Variants in CDH20 observed in about 807,000 individuals in gnomAD.
CDH20 encodes cadherin-20.
Under a neutral mutation model 74.2 loss-of-function variants are expected in CDH20, and 29 were observed. The observed-to-expected ratio is 0.39, with a 90% CI of 0.29 to 0.53. The LOEUF (loss-of-function observed/expected upper bound fraction) is 0.53. Among genes scored for constraint, CDH20 ranks in the 20% least tolerant of loss-of-function variants. The probability of loss-of-function intolerance (pLI) is 0.69; values close to 1 mark genes in which losing one functional copy is unlikely to be tolerated. For synonymous variants in CDH20, 469 were observed against 405.4 expected (o/e 1.16, Z -1.88); for missense variants, 988 against 1,048.3 (o/e 0.94, Z 0.79).
In CDH20 at chr18:61,532,555, TACAC is replaced by T. The variant is rs369755037; in HGVS notation, c.1272-3926_1272-3923del. Among the ~76,000 whole-genome samples the T allele has an allele frequency of 7.0e-3, 288 of 41,358 alleles. 1 individual carries two copies. The East Asian group carries it at 0.071, about 10-fold the overall frequency. 27.1% of individuals were successfully genotyped at this position (41,358 alleles called of 152,430 possible). A position where few individuals can be genotyped will look rare whatever the true frequency, so the allele number is the denominator to read the frequency against. Reference sequence around the variant, plus strand: ...ATGTATATATATATATATATATATATACACACACACACACATATATATAAAAAAC... The same window carrying T: ...ATGTATATATATATATATATATATATACACACACACATATATATAAAAAAC... On this transcript the variant is annotated intron_variant, in intron 7 of 11. Transcript: ENST00000262717.
chr18:61,381,968 C>T (rs1911446126), intron 1 of CDH20, among the ~76,000 whole-genome samples: 2 of 148,990 alleles, frequency 1.3e-5, no homozygotes, highest in East Asian at 1.9e-4. Context: ...GTCACTACTA[C>T]CCCCCCCAGT....
chr18:61,541,886 A>C lies in CDH20; in HGVS notation c.1530+2741A>C, dbSNP rs1913054466. Among the ~76,000 whole-genome samples, 5 of 152,304 alleles carry C rather than the reference A, an allele frequency of 3.3e-5. No homozygotes were observed. In the South Asian group the frequency reaches 1.0e-3, roughly 32 times the overall value. ...AACCAGCTGAGCAGAATATTGCACG[A>C]CAAGTGGGGCTGAGGAAGAAATCTG... is the stretch of plus-strand genomic sequence containing the variant. On this transcript the variant is annotated intron_variant, in intron 9 of 11. Transcript: ENST00000262717.
At chr18:61,462,977 C>T (rs905440174) in intron 1 of CDH20, among the ~76,000 whole-genome samples, 3 of 152,196 alleles carry the variant, frequency 2.0e-5, no homozygotes, top group Non-Finnish European at 4.4e-5. Flanking sequence ...GCGTAATTCA[C>T]ACTAAGTTAT....
rs201454513 is a variant in CDH20, at chr18:61,503,109, G to A, written c.818G>A (p.Arg273His). The A allele has an allele frequency of 2.3e-5, 37 of 1,606,846 alleles. No individual in the cohort carries two copies. In the Admixed American group the frequency reaches 4.2e-4, roughly 18 times the overall value. ...TLSDVNDNPP[R>H]FPQKHYQMSV... is the part of the protein sequence containing the mutation. ...TCAGATGTCAATGATAACCCACCCC[G>A]CTTTCCCCAGAGTGAGTACCTAACC... is the stretch of plus-strand genomic sequence containing the variant. The change falls in exon 5 of 12, where the codon CGC (arginine) becomes CAC (histidine). Residue 273 changes from arginine to histidine, a missense_variant. Coordinates refer to ENST00000262717, the MANE Select transcript of CDH20 (RefSeq NM_031891.4).
intron 8 of CDH20, among the ~76,000 whole-genome samples, chr18:61,538,325 AC>A (rs1232905810): frequency 6.6e-6 from 1 of 152,088 alleles, no homozygotes; most frequent in Non-Finnish European, 1.5e-5. Flanking sequence ...TAATTCCAAG[AC>A]TTGAAGTCTG....
chr18:61,405,441 A>C (rs1568126988), intron 1 of CDH20, among the ~76,000 whole-genome samples: 1 of 152,084 alleles, frequency 6.6e-6, no homozygotes, highest in African/African-American at 2.4e-5. Flanking sequence ...AAATAAAAAT[A>C]AAACCCTAAA....
intron 1 of CDH20, among the ~76,000 whole-genome samples, chr18:61,442,188 T>TA (rs1207529768): frequency 6.6e-6 from 1 of 151,528 alleles, no homozygotes; most frequent in South Asian, 2.1e-4. Flanking sequence ...TCTCCCTACG[T>TA]AAAAAACTGA....
intron 1 of CDH20, among the ~76,000 whole-genome samples, chr18:61,425,754 C>T (rs1394473001): frequency 6.6e-6 from 1 of 152,114 alleles, no homozygotes; most frequent in Non-Finnish European, 1.5e-5. Flanking sequence ...ACAGCATATA[C>T]TGCTCAGATG....
chr18:61,472,195 C>T (rs138436496), intron 1 of CDH20, among the ~76,000 whole-genome samples: 4 of 152,190 alleles, frequency 2.6e-5, no homozygotes, highest in East Asian at 1.9e-4. Flanking sequence ...TCATTTGCTG[C>T]TAATCACCTA....
intron 6 of CDH20, among the ~76,000 whole-genome samples, chr18:61,515,380 A>C (rs1385877888): frequency 3.9e-5 from 6 of 152,038 alleles, no homozygotes; most frequent in East Asian, 2.0e-4. Context: ...GCACGCACCC[A>C]CTGACCTGCG....
At chr18:61,484,210 A>T (rs1910681371) in intron 1 of CDH20, among the ~76,000 whole-genome samples, 1 of 152,260 alleles carries the variant, frequency 6.6e-6, no homozygotes. Flanking sequence ...ATGCAATTAT[A>T]AATGTCACAT....
chr18:61,532,428 A>G (rs191488939), intron 7 of CDH20, among the ~76,000 whole-genome samples: 199 of 152,138 alleles, frequency 1.3e-3, no homozygotes, highest in African/African-American at 4.5e-3. Flanking sequence ...TAATTCCTAA[A>G]TAGCCATCCT....
In CDH20 at chr18:61,507,402, G is replaced by A. The variant is rs1179322539; in HGVS notation, c.859G>A (p.Ala287Thr). 6.2e-7 allele frequency: 1 copy of A among 1,613,996 alleles called. No homozygotes were observed. Among genetic ancestry groups the A allele is most frequent in the East Asian group, 2.2e-5 (1 of 44,878 alleles). Residue 287 changes from alanine to threonine, a missense_variant, in exon 6 of 12, where the codon GCT becomes ACT. By Grantham distance (58) the Ala-to-Thr change is moderately conservative. This residue lies in a region of CDH20 where 613 missense variants were observed against 755.2 expected (regional missense o/e 0.81). Transcript: ENST00000262717. Reference protein sequence around the residue: ...KHYQMSVLESAPISSTVGRVF... With the variant: ...KHYQMSVLESTPISSTVGRVF... ...TTACCAGATGAGTGTGTTGGAATCA[G>A]CTCCAATTAGCTCCACTGTCGGGAG... is the stretch of plus-strand genomic sequence containing the variant.
intron 1 of CDH20, among the ~76,000 whole-genome samples, chr18:61,470,269 C>T (rs996876465): frequency 6.6e-6 from 1 of 152,188 alleles, no homozygotes; most frequent in Non-Finnish European, 1.5e-5. Context: ...TATCCCGTGA[C>T]TGTTTGCAAC....
chr18:61,479,564 C>T (rs893190471), intron 1 of CDH20, among the ~76,000 whole-genome samples: 1 of 152,086 alleles, frequency 6.6e-6, no homozygotes, highest in African/African-American at 2.4e-5. Context: ...CAAAGTTATA[C>T]CTGAAGATTT....
At chr18:61,425,225 C>G (rs948455838) in intron 1 of CDH20, among the ~76,000 whole-genome samples, 1 of 152,202 alleles carries the variant, frequency 6.6e-6, no homozygotes. Context: ...ACCATAGGGT[C>G]TGTATTTACA....
At chr18:61,519,976 G>T (rs953952339) in intron 6 of CDH20, among the ~76,000 whole-genome samples, 6 of 143,872 alleles carry the variant, frequency 4.2e-5, no homozygotes, top group African/African-American at 1.6e-4. Flanking sequence ...AGTAGGGGTT[G>T]CAATCCTAGT....
chr18:61,436,094 T>C (rs1312534308), intron 1 of CDH20, among the ~76,000 whole-genome samples: 5 of 152,194 alleles, frequency 3.3e-5, no homozygotes, highest in Non-Finnish European at 7.4e-5. Context: ...TAGCACATTT[T>C]AGGACTTCAT....
intron 1 of CDH20, among the ~76,000 whole-genome samples, chr18:61,376,768 A>T (rs1422445912): frequency 6.6e-6 from 1 of 152,126 alleles, no homozygotes; most frequent in Non-Finnish European, 1.5e-5. Context: ...TATTCACAAG[A>T]TTCTTCTTAT....
Sources: allele counts gnomAD v4.1 joint callset (sites outside exome capture counted in the v4.1 genomes callset), GRCh38; gene constraint gnomAD v4.1.1; regional missense constraint gnomAD v4.1.1; transcripts MANE v1.5; gene names NCBI Gene and HGNC (gene_info 2026-07-23, HGNC 2026-07-21).